The following DAPP1 variants were observed in gnomAD, a reference collection of about 807,000 sequenced individuals.
DAPP1 encodes the protein dual adaptor of phosphotyrosine and 3-phosphoinositides 1.
DAPP1 carries 20 observed loss-of-function variants against 41.5 expected under a neutral mutation model. The observed-to-expected ratio is 0.48, with a 90% CI of 0.34 to 0.70. The LOEUF (loss-of-function observed/expected upper bound fraction) is 0.70. DAPP1 is among the 30% of genes least tolerant of loss of function. DAPP1 has a pLI of 0.01. For synonymous variants in DAPP1, 113 were observed against 116.2 expected, an observed-to-expected ratio of 0.97 and a Z score of 0.18; for missense variants, 233 against 333.4, an observed-to-expected ratio of 0.70 and a Z score of 2.35.
chr4:99,866,444 G>A, intron 8 of DAPP1: 2 of 713,308 alleles, frequency 2.8e-6, no homozygotes, highest in South Asian at 2.9e-5. Flanking sequence ...CAGAAGGTCT[G>A]ACAGAGGAAA....
chr4:99,862,708 G>C (rs1392928559), intron 5 of DAPP1, among the ~76,000 whole-genome samples: 1 of 149,020 alleles, frequency 6.7e-6, no homozygotes, highest in Non-Finnish European at 1.5e-5. Flanking sequence ...ATATACTAAT[G>C]ATATATCTGC....
At chr4:99,823,938 T>A (rs79881688) in intron 1 of DAPP1, among the ~76,000 whole-genome samples, 1 of 152,262 alleles carries the variant, frequency 6.6e-6, no homozygotes, top group Non-Finnish European at 1.5e-5. Flanking sequence ...CTTTTGTGTA[T>A]GTTTTCAAAA....
chr4:99,871,089 A>T (rs901932773), downstream of DAPP1, among the ~76,000 whole-genome samples: 2 of 152,104 alleles, frequency 1.3e-5, no homozygotes, highest in African/African-American at 4.8e-5. Context: ...TCCCAACCAC[A>T]TGGCATGCAA....
At chr4:99,859,207 TGCCTG>T (rs1724154759) in intron 4 of DAPP1, among the ~76,000 whole-genome samples, 1 of 152,188 alleles carries the variant, frequency 6.6e-6, no homozygotes. Flanking sequence ...TGAGCCTCCG[TGCCTG>T]GCCTGGCCTC....
chr4:99,850,946 C>T (rs551057456), intron 3 of DAPP1, among the ~76,000 whole-genome samples: 3 of 152,192 alleles, frequency 2.0e-5, no homozygotes, highest in Non-Finnish European at 4.4e-5. Context: ...TGTCCAAGGC[C>T]GATAAGTACT....
intron 6 of DAPP1, 49 bp downstream of exon 6, chr4:99,863,121 T>C: frequency 1.6e-6 from 2 of 1,224,862 alleles, no homozygotes; most frequent in Non-Finnish European, 2.2e-6. Flanking sequence ...ATTCTCTAGA[T>C]GAAAGAAACT....
At chr4:99,822,465 G>T in intron 1 of DAPP1, among the ~76,000 whole-genome samples, 1 of 152,188 alleles carries the variant, frequency 6.6e-6, no homozygotes, top group East Asian at 1.9e-4. Context: ...CTCCACAGTA[G>T]AAGTGGAGAA....
chr4:99,860,574 A>G (rs1279477613), intron 4 of DAPP1, among the ~76,000 whole-genome samples: 1 of 152,198 alleles, frequency 6.6e-6, no homozygotes, highest in Non-Finnish European at 1.5e-5. Context: ...TAAGATTTTA[A>G]AAGAAGTGTT....
intron 3 of DAPP1, among the ~76,000 whole-genome samples, chr4:99,852,408 T>C (rs1347446142): frequency 6.6e-6 from 1 of 152,142 alleles, no homozygotes; most frequent in East Asian, 1.9e-4. Context: ...GACTGATTGA[T>C]TGAGGGAAGG....
At chr4:99,833,205 T>C (rs1292077141) in intron 1 of DAPP1, among the ~76,000 whole-genome samples, 3 of 152,248 alleles carry the variant, frequency 2.0e-5, no homozygotes, top group Non-Finnish European at 4.4e-5. Flanking sequence ...ATTCTTCCAA[T>C]TGTTCTTTGA....
chr4:99,832,400 A>G, intron 1 of DAPP1, among the ~76,000 whole-genome samples: 1 of 152,238 alleles, frequency 6.6e-6, no homozygotes, highest in South Asian at 2.1e-4. Flanking sequence ...GTTCCAGGAA[A>G]GGAATGCTTA....
chr4:99,866,768 T>A (rs1724477456), intron 8 of DAPP1: 7 of 71,124 alleles, frequency 9.8e-5, no homozygotes, highest in Admixed American at 3.4e-4. Flanking sequence ...TTTTTTCTAT[T>A]TTTTTTTTTT....
At position 99,869,853 on chromosome 4, in the gene DAPP1, C is replaced by G. The variant is rs896902347; in HGVS notation, c.*1668C>G. On this transcript the variant is annotated 3_prime_UTR_variant, in exon 9 of 9. Transcript: ENST00000512369. ...GCTGAGGCAGGAGAATTGCTTGAAC[C>G]CGGGAGGTGGAGGTTGCAGTGAACC... The G allele has an allele frequency of 6.6e-6, 1 of 152,054 alleles. No homozygotes were observed. The highest frequency in any genetic ancestry group is 1.5e-5 in the Non-Finnish European group (1 of 68,022). 9.4% of individuals were successfully genotyped at this position (152,054 alleles called of 1,614,324 possible).
At chr4:99,835,019 T>G (rs1723247977) in intron 1 of DAPP1, among the ~76,000 whole-genome samples, 1 of 152,038 alleles carries the variant, frequency 6.6e-6, no homozygotes, top group South Asian at 2.1e-4. Flanking sequence ...CTCATTTTTT[T>G]TTTTTTTGAG....
chr4:99,847,317 T>C (rs996504956), intron 3 of DAPP1, among the ~76,000 whole-genome samples: 1 of 152,224 alleles, frequency 6.6e-6, no homozygotes, highest in Non-Finnish European at 1.5e-5. Flanking sequence ...TTGAGACTGT[T>C]CTTACTCTCT....
intron 1 of DAPP1, among the ~76,000 whole-genome samples, chr4:99,821,028 G>A (rs549773059): frequency 1.3e-5 from 2 of 152,162 alleles, no homozygotes; most frequent in Non-Finnish European, 2.9e-5. Flanking sequence ...CAGGCATTTT[G>A]TAGACACCAG....
chr4:99,831,937 T>C (rs1193980597), intron 1 of DAPP1, among the ~76,000 whole-genome samples: 2 of 151,820 alleles, frequency 1.3e-5, no homozygotes, highest in South Asian at 2.1e-4. Flanking sequence ...TTTTACTATA[T>C]ATGCTTTATA....
intron 4 of DAPP1, among the ~76,000 whole-genome samples, chr4:99,858,218 A>G (rs1724115145): frequency 6.6e-6 from 1 of 152,234 alleles, no homozygotes; most frequent in African/African-American, 2.4e-5. Context: ...AGTTGCACTT[A>G]TCTGTCCTGT....
chr4:99,837,292 T>C (rs1447795163), intron 2 of DAPP1, among the ~76,000 whole-genome samples: 1 of 152,162 alleles, frequency 6.6e-6, no homozygotes, highest in Non-Finnish European at 1.5e-5. Context: ...ATAAAGTGTG[T>C]GTACTCCAGG....
Sources: allele counts gnomAD v4.1 joint callset (sites outside exome capture counted in the v4.1 genomes callset), GRCh38; gene constraint gnomAD v4.1.1; transcripts MANE v1.5; gene names NCBI Gene and HGNC (gene_info 2026-07-23, HGNC 2026-07-21).